ESR2: variants seen among roughly 807,000 people sequenced by gnomAD.
ESR2 encodes the protein estrogen receptor 2.
In ESR2, 36 loss-of-function variants were observed where a neutral mutation model predicts 49.6. That is an observed-to-expected ratio of 0.73 (90% CI 0.56 to 0.96). The LOEUF (loss-of-function observed/expected upper bound fraction) is 0.96, where lower values mean the gene tolerates loss of function less well. Ranked by LOEUF, ESR2 falls within the 40% of genes least tolerant of loss-of-function variation. The pLI is 0.00. For missense variants in ESR2, 714 were observed against 693.0 expected (o/e 1.03, Z -0.34); for synonymous variants, 320 against 266.1 (o/e 1.20, Z -1.97).
chr14:64,268,198 A>G (rs986174246), intron 4 of ESR2, among the ~76,000 whole-genome samples: 2 of 152,254 alleles, frequency 1.3e-5, no homozygotes, highest in Non-Finnish European at 2.9e-5. Flanking sequence ...GAATATATGT[A>G]TGTGAATATG....
chr14:64,302,683 T>C (rs997358728), intron 1 of ESR2, among the ~76,000 whole-genome samples: 8 of 152,276 alleles, frequency 5.3e-5, no homozygotes, highest in Non-Finnish European at 4.4e-5. Flanking sequence ...AGAATCTACA[T>C]AATGAGCAGA....
At chr14:64,227,424 ACT>A (rs1253015496), downstream of ESR2, 19 of 1,288,554 alleles carry the variant, frequency 1.5e-5, no homozygotes, top group African/African-American at 3.0e-5. Flanking sequence ...AAGTATTTTA[ACT>A]CTTTCTTTAA....
At position 64,230,803 on chromosome 14, in the gene ESR2, C is replaced by G. The variant is rs867947639; in HGVS notation, c.*2334G>C. The G allele has an allele frequency of 1.3e-5, 2 of 150,036 alleles. No homozygotes were observed. Among genetic ancestry groups the G allele is most frequent in the African/African-American group, 4.9e-5 (2 of 40,688 alleles). 9.3% of individuals were successfully genotyped at this position (150,036 alleles called of 1,614,324 possible). ...CGAGGCTCTAAAGGGATTGCCATTG[C>G]CAGTTCACTCCCAGGAGTAGAAGTG... On this transcript the variant is annotated 3_prime_UTR_variant, in exon 9 of 9. Coordinates refer to ENST00000341099, the MANE Select transcript of ESR2 (RefSeq NM_001437.3).
At chr14:64,310,760 G>A (rs990697642) in intron 1 of ESR2, among the ~76,000 whole-genome samples, 4 of 152,024 alleles carry the variant, frequency 2.6e-5, no homozygotes, top group African/African-American at 4.8e-5. Context: ...ATGAGCCACC[G>A]CGCCAGAGAA....
chr14:64,227,888 C>T, downstream of ESR2: 1 of 1,597,596 alleles, frequency 6.3e-7, no homozygotes, highest in Non-Finnish European at 8.5e-7. Context: ...TGACTCTTGG[C>T]ACTAAGATAA....
intron 7 of ESR2, among the ~76,000 whole-genome samples, chr14:64,236,561 C>T (rs1030236948): frequency 2.6e-5 from 4 of 152,110 alleles, no homozygotes; most frequent in African/African-American, 9.7e-5. Context: ...CCAGGGCCCT[C>T]CCCGCTTCTC....
intron 7 of ESR2, among the ~76,000 whole-genome samples, chr14:64,247,947 T>C (rs541792607): frequency 3.4e-4 from 51 of 152,054 alleles, no homozygotes; most frequent in African/African-American, 1.1e-3. Flanking sequence ...TGACCCAGAA[T>C]GGTTTCACAG....
chr14:64,236,819 C>G lies in ESR2; in HGVS notation c.1226-1669G>C, dbSNP rs1194030327. Among the ~76,000 whole-genome samples, 3 of 152,224 alleles carry G rather than the reference C, an allele frequency of 2.0e-5. No individual in the cohort carries two copies. The South Asian group carries it at 6.2e-4, about 32-fold the overall frequency. ...CTGGTCTGAGGTGTCCCCTGATACT[C>G]TGACAGTGCCCTGTTCATCCTCAGC... On this transcript the variant is annotated intron_variant, in intron 7 of 8. Coordinates refer to ENST00000341099, the MANE Select transcript of ESR2 (RefSeq NM_001437.3).
rs1374186782 is a variant in ESR2 at position 64,245,389 on chromosome 14, G to A, written c.1225+4157C>T. 3.3e-5 allele frequency among the ~76,000 whole-genome samples: 5 copies of A among 151,710 alleles called. No homozygotes were observed. The East Asian group carries it at 7.7e-4, about 24-fold the overall frequency. Reference sequence around the variant, plus strand: ...TAGCCAGGCGTGGTGGTGGGTGCCTGTAATCCCAGCTACTCAGGAGGCTGA... The same window carrying A: ...TAGCCAGGCGTGGTGGTGGGTGCCTATAATCCCAGCTACTCAGGAGGCTGA... On this transcript the variant is annotated intron_variant, in intron 7 of 8. Coordinates refer to ENST00000341099, the MANE Select transcript of ESR2 (RefSeq NM_001437.3).
chr14:64,336,998 A>G (rs2077539269), intron 1 of ESR2, among the ~76,000 whole-genome samples: 1 of 152,142 alleles, frequency 6.6e-6, no homozygotes, highest in South Asian at 2.1e-4. Context: ...TCTTTACTTG[A>G]TCATTGTCCT....
In ESR2 at chr14:64,282,817, T is replaced by G; in HGVS notation, c.169A>C (p.Ser57Arg). 1 of 1,614,262 alleles carries G rather than the reference T, an allele frequency of 6.2e-7. No homozygotes were observed. Among genetic ancestry groups the G allele is most frequent in the Non-Finnish European group, 8.5e-7 (1 of 1,180,038 alleles). ...TFYSPAVMNY[S>R]IPSNVTNLEG... ...AAGTTAGTGACATTGCTGGGAATGC[T>G]GTAATTCATCACAGCAGGGCTATAG... is the stretch of plus-strand genomic sequence containing the variant. The change falls in exon 2 of 9, where the codon AGC (serine) becomes CGC (arginine). Residue 57 changes from serine to arginine, a missense_variant. Ser to Arg is a moderately radical substitution (Grantham distance 110). Transcript: ENST00000341099.
downstream of ESR2, chr14:64,227,865 G>A (rs1379130106): frequency 8.8e-6 from 14 of 1,595,436 alleles, no homozygotes; most frequent in African/African-American, 1.3e-5. Context: ...CACATGCAAG[G>A]GACATTTTCA....
chr14:64,250,402 G>T (rs1181656919), intron 6 of ESR2, among the ~76,000 whole-genome samples: 1 of 152,172 alleles, frequency 6.6e-6, no homozygotes, highest in African/African-American at 2.4e-5. Context: ...ACTCCTTGTA[G>T]AAATAAATGT....
chr14:64,256,396 C>T (rs898068038), intron 6 of ESR2, among the ~76,000 whole-genome samples: 3 of 152,226 alleles, frequency 2.0e-5, no homozygotes, highest in East Asian at 1.9e-4. Context: ...TTCCTTCCAC[C>T]GCTATTGCCA....
At chr14:64,237,517 G>T (rs2140629271) in intron 7 of ESR2, among the ~76,000 whole-genome samples, 1 of 152,278 alleles carries the variant, frequency 6.6e-6, no homozygotes, top group Admixed American at 6.5e-5. Flanking sequence ...ATTCCAAAAG[G>T]AGCCAAAATT....
At chr14:64,281,908 G>A (rs761923830) in intron 2 of ESR2, among the ~76,000 whole-genome samples, 2 of 152,218 alleles carry the variant, frequency 1.3e-5, no homozygotes, top group Non-Finnish European at 2.9e-5. Flanking sequence ...TTTCATTTAA[G>A]TTGTAATACT....
intron 4 of ESR2, among the ~76,000 whole-genome samples, chr14:64,261,339 G>A (rs1444420000): frequency 6.9e-6 from 1 of 144,522 alleles, no homozygotes; most frequent in Non-Finnish European, 1.5e-5. Flanking sequence ...CCGGGTTCAC[G>A]CCATTCTCCT....
chr14:64,296,106 C>T (rs2076955045), upstream of ESR2, among the ~76,000 whole-genome samples: 1 of 149,324 alleles, frequency 6.7e-6, no homozygotes, highest in African/African-American at 2.5e-5. Context: ...AACAAGATAT[C>T]TCTGGAAATG....
chr14:64,273,892 TA>T (rs1446795328), intron 3 of ESR2, among the ~76,000 whole-genome samples: 1 of 151,846 alleles, frequency 6.6e-6, no homozygotes, highest in Non-Finnish European at 1.5e-5. Context: ...AAATGTTTGG[TA>T]AAATTCTGGA....
Sources: allele counts gnomAD v4.1 joint callset (sites outside exome capture counted in the v4.1 genomes callset), GRCh38; gene constraint gnomAD v4.1.1; transcripts MANE v1.5; gene names NCBI Gene and HGNC (gene_info 2026-07-23, HGNC 2026-07-21).